Variants in BCAT1 observed in about 807,000 individuals in gnomAD.
The protein encoded by BCAT1 is branched-chain-amino-acid aminotransferase, cytosolic.
In BCAT1, 48 loss-of-function variants were observed where a neutral mutation model predicts 52.4. That is an observed-to-expected ratio of 0.92 (90% CI 0.73 to 1.16). The LOEUF is 1.16. Among genes scored for constraint, BCAT1 ranks in the 50% most tolerant of loss-of-function variants. The pLI, the probability that BCAT1 is intolerant of heterozygous loss-of-function variation, is 0.00. For synonymous variants in BCAT1, 167 were observed against 161.3 expected, an observed-to-expected ratio of 1.04 and a Z score of -0.27; for missense variants, 451 against 457.1, an observed-to-expected ratio of 0.99 and a Z score of 0.12.
At chr12:24,907,117 C>G (rs954672221) in intron 1 of BCAT1, among the ~76,000 whole-genome samples, 1 of 152,196 alleles carries the variant, frequency 6.6e-6, no homozygotes, top group Non-Finnish European at 1.5e-5. Flanking sequence ...CTCTCTCCCC[C>G]CACACATTTA....
intron 1 of BCAT1, among the ~76,000 whole-genome samples, chr12:24,905,550 C>T (rs1230698911): frequency 6.6e-6 from 1 of 152,088 alleles, no homozygotes; most frequent in East Asian, 1.9e-4. Context: ...AATCAGATAA[C>T]CTTAAAGGTT....
At chr12:24,948,150 A>G (rs1205649045) in intron 1 of BCAT1, among the ~76,000 whole-genome samples, 1 of 152,254 alleles carries the variant, frequency 6.6e-6, no homozygotes, top group Non-Finnish European at 1.5e-5. Context: ...AGATGGCAAG[A>G]ATATCTGCCC....
In BCAT1 at chr12:24,816,496, A is replaced by T; in HGVS notation, c.*1512T>A. 2.5e-6 allele frequency: 1 copy of T among 397,956 alleles called. No homozygotes were observed. The highest frequency in any genetic ancestry group is 4.4e-6 in the Non-Finnish European group (1 of 225,778). 24.7% of individuals were successfully genotyped at this position (397,956 alleles called of 1,614,324 possible). On this transcript the variant is annotated 3_prime_UTR_variant, in exon 11 of 11. Transcript: ENST00000261192. The stretch of plus-strand genomic sequence containing the variant: ...TATCACCCATAGTAGCTCTCCCTGC[A>T]TCCTAACCACTTGCTCATCAAATCT...
intron 10 of BCAT1, among the ~76,000 whole-genome samples, chr12:24,828,639 T>C (rs984934970): frequency 6.6e-6 from 1 of 152,228 alleles, no homozygotes; most frequent in Admixed American, 6.6e-5. Flanking sequence ...AAGCAAAGCA[T>C]TTATTCAGTG....
In BCAT1 at chr12:24,949,067, A is replaced by C. The variant is rs1348688005; in HGVS notation, c.-135T>G. The C allele has an allele frequency of 7.0e-6, 6 of 856,882 alleles. No homozygotes were observed. The highest frequency in any genetic ancestry group is 7.2e-6 in the Non-Finnish European group (4 of 553,038). 53.1% of individuals were successfully genotyped at this position (856,882 alleles called of 1,614,324 possible). ...GCAGCAAGACCTGGGGCAGTGCCCG[A>C]GGCGGCGGCGAGTACACGTGGCGGG... On this transcript the variant is annotated 5_prime_UTR_variant, in exon 1 of 11. Coordinates refer to ENST00000261192, the MANE Select transcript of BCAT1 (RefSeq NM_005504.7).
At chr12:24,827,156 T>C (rs946067229) in intron 10 of BCAT1, among the ~76,000 whole-genome samples, 14 of 152,196 alleles carry the variant, frequency 9.2e-5, no homozygotes, top group African/African-American at 3.4e-4. Context: ...TGCCCTGGCC[T>C]CTAAACCTCT....
intron 1 of BCAT1, among the ~76,000 whole-genome samples, chr12:24,932,525 A>C (rs916672554): frequency 1.3e-5 from 2 of 152,240 alleles, no homozygotes; most frequent in African/African-American, 2.4e-5. Context: ...TCACTGACTG[A>C]AAATATTTGA....
intron 1 of BCAT1, among the ~76,000 whole-genome samples, chr12:24,933,907 T>G (rs1374414653): frequency 6.6e-6 from 1 of 152,118 alleles, no homozygotes; most frequent in East Asian, 1.9e-4. Context: ...GATGTTCACA[T>G]AGCGCACTGG....
chr12:24,843,775 C>T (rs531320889), intron 6 of BCAT1, among the ~76,000 whole-genome samples: 1 of 152,246 alleles, frequency 6.6e-6, no homozygotes, highest in African/African-American at 2.4e-5. Context: ...AATATAGCAT[C>T]TTGCCCTGCT....
chr12:24,837,096 AAAGG>A lies in BCAT1; in HGVS notation c.818-504_818-501del, dbSNP rs747486643. 2.9e-3 allele frequency among the ~76,000 whole-genome samples: 278 copies of A among 95,016 alleles called. 13 individuals carry two copies. Among genetic ancestry groups the A allele is most frequent in the African/African-American group, 9.5e-3 (261 of 27,550 alleles). The allele number at this position is 95,016 out of a possible 152,430, so 62.3% of individuals were successfully genotyped here. On this transcript the variant is annotated intron_variant, in intron 7 of 10. Coordinates refer to ENST00000261192, the MANE Select transcript of BCAT1 (RefSeq NM_005504.7). The stretch of plus-strand genomic sequence containing the variant: ...AAGAGAGAGGGAGGGAGGGAGGGAG[AAAGG>A]AAGGAAGAAAGAGAAGGAAGGGAGG...
intron 2 of BCAT1, among the ~76,000 whole-genome samples, chr12:24,898,494 C>CTGT (rs1943011173): frequency 7.6e-6 from 1 of 130,986 alleles, no homozygotes; most frequent in Admixed American, 8.5e-5. Flanking sequence ...CACCTGAAAA[C>CTGT]TGTTTCAGCC....
chr12:24,896,750 G>A (rs548705900), intron 2 of BCAT1, among the ~76,000 whole-genome samples: 2 of 152,166 alleles, frequency 1.3e-5, no homozygotes, highest in African/African-American at 2.4e-5. Flanking sequence ...TGGGCAATAA[G>A]AGTGGAACTC....
intron 1 of BCAT1, among the ~76,000 whole-genome samples, chr12:24,914,382 G>A (rs1422234741): frequency 2.0e-5 from 3 of 152,168 alleles, no homozygotes; most frequent in Admixed American, 6.5e-5. Flanking sequence ...TGTGCCCAGC[G>A]GGTGGATTAT....
At chr12:24,904,777 G>A (rs546669096) in intron 1 of BCAT1, 1 of 152,242 alleles carries the variant, frequency 6.6e-6, no homozygotes, top group East Asian at 1.9e-4. Flanking sequence ...TAGTTGCTGG[G>A]GGAGGGTTGA....
intron 2 of BCAT1, among the ~76,000 whole-genome samples, chr12:24,896,196 A>T (rs969161600): frequency 6.6e-5 from 10 of 152,184 alleles, no homozygotes; most frequent in Non-Finnish European, 1.5e-5. Flanking sequence ...TTAATTTAAG[A>T]CTTTTTACTA....
At chr12:24,865,803 C>T (rs1173415755) in intron 5 of BCAT1, among the ~76,000 whole-genome samples, 1 of 152,210 alleles carries the variant, frequency 6.6e-6, no homozygotes. Context: ...AATTTTCCTG[C>T]TTTACTCAAT....
chr12:24,926,090 A>C, intron 1 of BCAT1, among the ~76,000 whole-genome samples: 1 of 145,488 alleles, frequency 6.9e-6, no homozygotes, highest in Non-Finnish European at 1.5e-5. Context: ...CTGGCTGCCC[A>C]GTCTGGGAAG....
At chr12:24,894,222 G>A in intron 3 of BCAT1, 53 bp downstream of exon 3, 4 of 1,554,996 alleles carry the variant, frequency 2.6e-6, no homozygotes, top group Non-Finnish European at 3.5e-6. Flanking sequence ...AAGCTACTTA[G>A]TACCCACAGT....
chr12:24,929,700 G>A lies in BCAT1; in HGVS notation c.6+19227C>T, dbSNP rs562370735. 5.3e-5 allele frequency among the ~76,000 whole-genome samples: 8 copies of A among 152,068 alleles called. No individual in the cohort carries two copies. In the East Asian group the frequency reaches 9.7e-4, roughly 18 times the overall value. ...CTGCATAACAAGACAACCTATGCTT[G>A]CTATACACTTCCTCTCCTCACCCTC... On this transcript the variant is annotated intron_variant, in intron 1 of 10. Coordinates refer to ENST00000261192, the MANE Select transcript of BCAT1 (RefSeq NM_005504.7).
Sources: allele counts gnomAD v4.1 joint callset (sites outside exome capture counted in the v4.1 genomes callset), GRCh38; gene constraint gnomAD v4.1.1; transcripts MANE v1.5; gene names NCBI Gene and HGNC (gene_info 2026-07-23, HGNC 2026-07-21).